COL5A1: variants seen among roughly 807,000 people sequenced by gnomAD.
COL5A1 encodes the protein collagen alpha-1(V) chain.
COL5A1 carries 16 observed loss-of-function variants against 263.7 expected under a neutral mutation model. The observed-to-expected ratio is 0.06, with a 90% CI of 0.04 to 0.09. The LOEUF (loss-of-function observed/expected upper bound fraction) is 0.09, where lower values mean the gene tolerates loss of function less well. Among genes scored for constraint, COL5A1 ranks in the 10% least tolerant of loss-of-function variants. The pLI is 1.00. For missense variants in COL5A1, 2,036 were observed against 2,540.5 expected (o/e 0.80, Z 4.27); for synonymous variants, 1,012 against 1,004.5 (o/e 1.01, Z -0.14).
At position 134,818,937 on chromosome 9, in the gene COL5A1, G is replaced by A; in HGVS notation, c.4392+36G>A. 6.2e-7 allele frequency: 1 copy of A among 1,613,078 alleles called. No individual in the cohort carries two copies. Among genetic ancestry groups the A allele is most frequent in the African/African-American group, 1.3e-5 (1 of 75,014 alleles). On this transcript the variant is annotated intron_variant, in intron 56 of 65. Coordinates refer to ENST00000371817, the MANE Select transcript of COL5A1 (RefSeq NM_000093.5). The surrounding 1 kb of genome is among the most constrained non-coding windows in gnomAD (Gnocchi z 6.0). ...TTCCTCATGGTGAGCATAGCGGGTGGGATGACTTCGCCACCCAAAGCCCCA... is the reference window on the plus strand; with the variant it reads ...TTCCTCATGGTGAGCATAGCGGGTGAGATGACTTCGCCACCCAAAGCCCCA...
chr9:134,726,414 G>GTGGA (rs1389872104), intron 4 of COL5A1, among the ~76,000 whole-genome samples: 1 of 152,062 alleles, frequency 6.6e-6, no homozygotes, highest in African/African-American at 2.4e-5. Context: ...AGATGGCTGG[G>GTGGA]TGGATGGATG....
In COL5A1 at chr9:134,795,065, C is replaced by T; in HGVS notation, c.2701-17C>T. The T allele has an allele frequency of 5.6e-6, 9 of 1,613,546 alleles. No homozygotes were observed. Among genetic ancestry groups the T allele is most frequent in the Non-Finnish European group, 7.6e-6 (9 of 1,179,606 alleles). ...GGCATTTAGAGAGTGACTGACCAGC[C>T]CCTTCTCTGATTCTAGGGGACCCCT... On this transcript the variant is annotated splice_polypyrimidine_tract_variant and intron_variant, in intron 32 of 65. Transcript: ENST00000371817.
intron 30 of COL5A1, among the ~76,000 whole-genome samples, chr9:134,785,655 G>A (rs1447525623): frequency 6.6e-6 from 1 of 152,204 alleles, no homozygotes; most frequent in African/African-American, 2.4e-5. Flanking sequence ...CTGCTACGTG[G>A]ACCCATACAA....
chr9:134,700,011 A>G lies in COL5A1; in HGVS notation c.380A>G (p.Gln127Arg). 6 of 1,613,804 alleles carry G rather than the reference A, an allele frequency of 3.7e-6. No individual in the cohort carries two copies. Among genetic ancestry groups the G allele is most frequent in the Non-Finnish European group, 5.1e-6 (6 of 1,180,040 alleles). Residue 127 changes from glutamine to arginine, a missense_variant, in exon 3 of 66, where the codon CAG becomes CGG. Physicochemically the swap from Gln to Arg is conservative, Grantham distance 43 (BLOSUM62 1). Coordinates refer to ENST00000371817, the MANE Select transcript of COL5A1 (RefSeq NM_000093.5). This position sits in a 1 kb window ranked among gnomAD's most constrained non-coding sequence, Gnocchi z 4.0. ...ATCTACAACGAGCAGGGTATCCAGC[A>G]GATTGGGCTGGAGCTGGGCCGCTCT... ...VSIYNEQGIQ[Q>R]IGLELGRSPV...
In COL5A1 at chr9:134,809,177, C is replaced by A. The variant is rs1234835995; in HGVS notation, c.3367-6C>A. 1 of 1,569,164 alleles carries A rather than the reference C, an allele frequency of 6.4e-7. No individual in the cohort carries two copies. The highest frequency in any genetic ancestry group is 2.4e-5 in the East Asian group (1 of 42,500). On this transcript the variant is annotated splice_region_variant and splice_polypyrimidine_tract_variant and intron_variant, in intron 42 of 65. Transcript: ENST00000371817. ...CGTTTGACCTGAGATCTTCTGTATTCTCTAGGGCGAGAAAGGCCCACAAGG... is the reference window on the plus strand; with the variant it reads ...CGTTTGACCTGAGATCTTCTGTATTATCTAGGGCGAGAAAGGCCCACAAGG...
intron 39 of COL5A1, among the ~76,000 whole-genome samples, chr9:134,803,247 T>G (rs1475008941): frequency 3.9e-5 from 6 of 152,152 alleles, no homozygotes; most frequent in African/African-American, 1.4e-4. Flanking sequence ...CTCTGCTCTC[T>G]CCCCAGCTGC....
In COL5A1 at chr9:134,700,090, C is replaced by T. The variant is rs1588448882; in HGVS notation, c.459C>T (p.Pro153=). 2 of 1,609,716 alleles carry T rather than the reference C, an allele frequency of 1.2e-6. No homozygotes were observed. Among genetic ancestry groups the T allele is most frequent in the South Asian group, 2.2e-5 (2 of 91,074 alleles). Residue 153 remains proline (P), a synonymous_variant, in exon 3 of 66, where the codon CCC becomes CCT. Coordinates refer to ENST00000371817, the MANE Select transcript of COL5A1 (RefSeq NM_000093.5). This position sits in a 1 kb window ranked among gnomAD's most constrained non-coding sequence, Gnocchi z 4.0. ...GGAAGCCTGGCCCGGAAGACTACCCCCTCTTCCGGGGCATCAACCTGTCAG... is the reference window on the plus strand; with the variant it reads ...GGAAGCCTGGCCCGGAAGACTACCCTCTCTTCCGGGGCATCAACCTGTCAG... The part of the protein sequence containing the change: ...HTGKPGPEDY[P]LFRGINLSDG...
intron 58 of COL5A1, 68 bp from the exon 59 acceptor site, chr9:134,822,029 G>C: frequency 1.4e-6 from 2 of 1,387,116 alleles, no homozygotes; most frequent in Admixed American, 3.3e-5. Flanking sequence ...TGGCTGGGTA[G>C]CAGGGTTGCA....
intron 11 of COL5A1, among the ~76,000 whole-genome samples, chr9:134,744,379 G>A (rs1835399358): frequency 6.7e-6 from 1 of 148,962 alleles, no homozygotes; most frequent in East Asian, 2.0e-4. Flanking sequence ...GCCCACACAT[G>A]CATACATGCA....
chr9:134,700,694 C>T lies in COL5A1; in HGVS notation c.492-477C>T, dbSNP rs552376337. On this transcript the variant is annotated intron_variant, in intron 3 of 65. Transcript: ENST00000371817. This position sits in a 1 kb window ranked among gnomAD's most constrained non-coding sequence, Gnocchi z 4.0. ...CAGATCCACTCCTTCCACCATTTCC[C>T]GTCCACACCCGGTCTTCTCTGGCTG... 7.2e-5 allele frequency among the ~76,000 whole-genome samples: 11 copies of T among 152,222 alleles called. No individual in the cohort carries two copies. The highest frequency in any genetic ancestry group is 1.9e-4 in the East Asian group (1 of 5,196).
At position 134,810,302 on chromosome 9, in the gene COL5A1, A is replaced by T; in HGVS notation, c.3522A>T (p.Gly1174=). Residue 1174 remains glycine, a synonymous_variant, in exon 44 of 66, where the codon GGA becomes GGT. Transcript: ENST00000371817. ...PGQKGSKGDK[G]EQGPPGPTGP... is the part of the protein sequence containing the mutation. Reference sequence around the variant, plus strand: ...AGAAAGGAAGCAAGGGGGACAAAGGAGAACAGGTAAGTATTGGCACGGGGG... The same window carrying T: ...AGAAAGGAAGCAAGGGGGACAAAGGTGAACAGGTAAGTATTGGCACGGGGG... 6.2e-7 allele frequency: 1 copy of T among 1,614,142 alleles called. No homozygotes were observed. The highest frequency in any genetic ancestry group is 8.5e-7 in the Non-Finnish European group (1 of 1,179,984).
intron 63 of COL5A1, 129 bp from the exon 64 acceptor site, chr9:134,829,847 C>T (rs2132906777): frequency 2.9e-6 from 3 of 1,029,674 alleles, no homozygotes; most frequent in Admixed American, 2.1e-5. Flanking sequence ...GTGGGTCCTC[C>T]CTGCAGCCCC....
At chr9:134,722,784 C>A (rs891701133) in intron 4 of COL5A1, among the ~76,000 whole-genome samples, 1 of 151,974 alleles carries the variant, frequency 6.6e-6, no homozygotes, top group Non-Finnish European at 1.5e-5. Flanking sequence ...AAACATGGGC[C>A]AGGAGCCTCT....
chr9:134,735,852 C>T (rs1835076757), intron 9 of COL5A1, among the ~76,000 whole-genome samples: 1 of 152,274 alleles, frequency 6.6e-6, no homozygotes, highest in Admixed American at 6.5e-5. Flanking sequence ...TCTGTGTAAA[C>T]ACAGTGCAGA....
At chr9:134,702,946 G>A (rs1172240806) in intron 4 of COL5A1, among the ~76,000 whole-genome samples, 3 of 152,250 alleles carry the variant, frequency 2.0e-5, no homozygotes, top group Non-Finnish European at 4.4e-5. Flanking sequence ...AGGAAGCCCC[G>A]GCTTAATGTC....
intron 30 of COL5A1, 59 bp from the exon 31 acceptor site, chr9:134,785,936 C>A: frequency 1.3e-6 from 2 of 1,508,600 alleles, no homozygotes; most frequent in Admixed American, 3.4e-5. Context: ...CTCTCTGCTC[C>A]GGGGAAACGG....
chr9:134,698,497 G>C (rs1160890306), intron 2 of COL5A1, among the ~76,000 whole-genome samples: 6 of 152,230 alleles, frequency 3.9e-5, no homozygotes, highest in Admixed American at 3.3e-4. Context: ...AGAACCTCAG[G>C]AGATCTCCCT....
At position 134,834,862 on chromosome 9, in the gene COL5A1, T is replaced by G. The variant is rs2132925113; in HGVS notation, c.5137-109T>G. ...TGGGTACAGTGCGTTTCCAGGTAGTTCCCCCGAGAAGACCACAGTGTGAGT... is the reference window on the plus strand; with the variant it reads ...TGGGTACAGTGCGTTTCCAGGTAGTGCCCCCGAGAAGACCACAGTGTGAGT... On this transcript the variant is annotated intron_variant, in intron 64 of 65. Transcript: ENST00000371817. 11 of 801,648 alleles carry G rather than the reference T, an allele frequency of 1.4e-5. No individual in the cohort carries two copies. In the South Asian group the frequency reaches 1.6e-4, roughly 12 times the overall value. The allele number at this position is 801,648 out of a possible 1,614,324, so 49.7% of individuals were successfully genotyped here. A position where few individuals can be genotyped will look rare whatever the true frequency, so the allele number is the denominator to read the frequency against.
rs375387898 is a variant in COL5A1, at chr9:134,815,546, C to T, written c.4015-30C>T. The T allele has an allele frequency of 7.1e-4, 1,139 of 1,609,704 alleles. 12 individuals are homozygous for T. The African/African-American group carries it at 0.014, about 19-fold the overall frequency. ...TGGTCTCAGTCAGGTTGCTGATGGC[C>T]TTGGCTGCTTCCTTCTTTCTTCCTT... On this transcript the variant is annotated intron_variant, in intron 50 of 65. Coordinates refer to ENST00000371817, the MANE Select transcript of COL5A1 (RefSeq NM_000093.5).
Sources: allele counts gnomAD v4.1 joint callset (sites outside exome capture counted in the v4.1 genomes callset), GRCh38; gene constraint gnomAD v4.1.1; non-coding constraint Gnocchi (gnomAD v3.1); transcripts MANE v1.5; gene names NCBI Gene and HGNC (gene_info 2026-07-23, HGNC 2026-07-21).